The following FMN2 variants were observed in gnomAD, a reference collection of about 807,000 sequenced individuals.
FMN2 encodes the protein formin-2.
Under a neutral mutation model 142.3 loss-of-function variants are expected in FMN2, and 51 were observed. That is an observed-to-expected ratio of 0.36 (90% CI 0.29 to 0.45). The LOEUF (loss-of-function observed/expected upper bound fraction) is 0.45. Ranked by LOEUF, FMN2 falls within the 20% of genes least tolerant of loss-of-function variation. The probability of loss-of-function intolerance (pLI) is 1.00; values close to 1 mark genes in which losing one functional copy is unlikely to be tolerated. For missense variants in FMN2, 1,936 were observed against 2,122.8 expected (o/e 0.91, Z 1.73); for synonymous variants, 882 against 869.8 (o/e 1.01, Z -0.25).
chr1:240,130,114 A>C (rs2103231245), intron 2 of FMN2, among the ~76,000 whole-genome samples: 1 of 152,248 alleles, frequency 6.6e-6, no homozygotes, highest in South Asian at 2.1e-4. Context: ...TTTTATGTTT[A>C]GGGCATACTT....
intron 15 of FMN2, among the ~76,000 whole-genome samples, chr1:240,399,477 G>T (rs1673898815): frequency 6.6e-6 from 1 of 152,130 alleles, no homozygotes; most frequent in Non-Finnish European, 1.5e-5. Flanking sequence ...ATCACTCCCT[G>T]TTGTGTCCTA....
At chr1:240,209,351 C>A (rs1012842759) in intron 5 of FMN2, among the ~76,000 whole-genome samples, 80 of 151,580 alleles carry the variant, frequency 5.3e-4, no homozygotes, top group African/African-American at 1.7e-3. Context: ...CCCGGGTTCA[C>A]CCCATTCTCC....
chr1:240,226,717 A>G (rs1284535609), intron 6 of FMN2, among the ~76,000 whole-genome samples: 1 of 152,156 alleles, frequency 6.6e-6, no homozygotes. Context: ...TGGTAGAATG[A>G]GACCTTGTCT....
intron 15 of FMN2, among the ~76,000 whole-genome samples, chr1:240,395,037 G>A (rs780923515): frequency 6.6e-6 from 1 of 152,060 alleles, no homozygotes; most frequent in African/African-American, 2.4e-5. Context: ...TCTTGTTAGG[G>A]GATAATGCAG....
intron 13 of FMN2, among the ~76,000 whole-genome samples, chr1:240,345,703 G>A (rs757954229): frequency 1.3e-5 from 2 of 151,958 alleles, no homozygotes; most frequent in Admixed American, 6.6e-5. Flanking sequence ...GGCTGGACTC[G>A]AACTCCTGGC....
At chr1:240,321,726 T>G (rs1263267836) in intron 8 of FMN2, among the ~76,000 whole-genome samples, 1 of 152,186 alleles carries the variant, frequency 6.6e-6, no homozygotes, top group East Asian at 1.9e-4. Context: ...CACATTAGAT[T>G]GAATGCAAAA....
intron 16 of FMN2, among the ~76,000 whole-genome samples, chr1:240,459,728 A>G (rs938048263): frequency 9.9e-6 from 1 of 101,222 alleles, no homozygotes; most frequent in African/African-American, 4.9e-5. Flanking sequence ...AAAAAAAAAA[A>G]AAAAAAAAAA....
chr1:240,246,347 C>A (rs911215177), intron 6 of FMN2, among the ~76,000 whole-genome samples: 2 of 152,106 alleles, frequency 1.3e-5, no homozygotes. Context: ...GTAATCCCAG[C>A]CACTTAGGAG....
intron 7 of FMN2, among the ~76,000 whole-genome samples, 174 bp from the exon 8 acceptor site, chr1:240,294,648 C>T (rs1475520037): frequency 6.6e-6 from 1 of 152,208 alleles, no homozygotes; most frequent in African/African-American, 2.4e-5. Context: ...TAACACTTGA[C>T]ACCTGGCCCA....
chr1:240,137,965 T>C (rs1267230693), intron 2 of FMN2, among the ~76,000 whole-genome samples: 1 of 148,510 alleles, frequency 6.7e-6, no homozygotes, highest in Admixed American at 6.8e-5. Context: ...TCGTGTGCGC[T>C]GAGGCAGGAG....
In FMN2 at chr1:240,208,241, A is replaced by G. The variant is rs202161866; in HGVS notation, c.3429A>G (p.Pro1143=). 0.042 allele frequency: 15,177 copies of G among 361,370 alleles called. 788 individuals carry two copies. The highest frequency in any genetic ancestry group is 0.061 in the African/African-American group (369 of 6,012). 22.4% of individuals were successfully genotyped at this position (361,370 alleles called of 1,614,324 possible). ...PPLPGAGIPP[P]PPLPRVGIPP... ...TTCCCGGAGCGGGCATACCTCCTCC[A>G]CCCCCTCTACCCAGAGTGGGCATAC... The change falls in exon 5 of 18, where the codon CCA becomes CCG. Residue 1143 remains proline (P), a synonymous_variant. Transcript: ENST00000319653.
At chr1:240,460,616 A>C (rs904071996) in intron 16 of FMN2, among the ~76,000 whole-genome samples, 7 of 152,084 alleles carry the variant, frequency 4.6e-5, no homozygotes, top group African/African-American at 9.7e-5. Context: ...AGTGAATAGA[A>C]ACATAAATAA....
intron 15 of FMN2, among the ~76,000 whole-genome samples, chr1:240,437,457 G>A (rs564912269): frequency 4.0e-5 from 6 of 151,854 alleles, no homozygotes; most frequent in South Asian, 2.1e-4. Flanking sequence ...CACCATGCCC[G>A]GCTAATTTTT....
At chr1:240,255,052 T>C (rs1005390325) in intron 6 of FMN2, among the ~76,000 whole-genome samples, 1 of 152,128 alleles carries the variant, frequency 6.6e-6, no homozygotes, top group African/African-American at 2.4e-5. Flanking sequence ...ATGGCTACGA[T>C]TGCAGGAGTC....
rs747953973 is a variant in FMN2, at chr1:240,438,045, GTGTA to G, written c.4911-13_4911-10del. The G allele has an allele frequency of 7.2e-5, 116 of 1,610,410 alleles. No homozygotes were observed. Among genetic ancestry groups the G allele is most frequent in the South Asian group, 5.2e-4 (47 of 90,032 alleles). ...AATCATGGCTTTTATGCTTTTGTGT[GTGTA>G]TGATTTGACAGCTTTTTGGAGACCA... On this transcript the variant is annotated splice_polypyrimidine_tract_variant and intron_variant, in intron 15 of 17. Transcript: ENST00000319653.
At chr1:240,251,692 A>G (rs920129482) in intron 6 of FMN2, among the ~76,000 whole-genome samples, 3 of 152,254 alleles carry the variant, frequency 2.0e-5, no homozygotes, top group African/African-American at 4.8e-5. Flanking sequence ...CTATTATTGT[A>G]TTTGAGTCTG....
intron 16 of FMN2, among the ~76,000 whole-genome samples, chr1:240,466,023 A>G (rs571961198): frequency 6.6e-6 from 1 of 152,318 alleles, no homozygotes; most frequent in African/African-American, 2.4e-5. Context: ...TTATTAGGAG[A>G]GAAATGAGAA....
chr1:240,092,217 G>T lies in FMN2; in HGVS notation c.108G>T (p.Lys36Asn). 1 of 1,555,458 alleles carries T rather than the reference G, an allele frequency of 6.4e-7. No individual in the cohort carries two copies. Among genetic ancestry groups the T allele is most frequent in the Non-Finnish European group, 8.7e-7 (1 of 1,147,572 alleles). ...ALGPRDVEAT[K>N]KGSGGKKALG... ...GGCCCAGGGATGTGGAAGCCACAAA[G>T]AAGGGGAGCGGGGGCAAGAAGGCGC... Residue 36 changes from lysine to asparagine, a missense_variant, in exon 1 of 18, where the codon AAG (lysine) becomes AAT (asparagine). By Grantham distance (94) the Lys-to-Asn change is moderately conservative. Transcript: ENST00000319653.
At chr1:240,272,777 G>A (rs1288235690) in intron 7 of FMN2, among the ~76,000 whole-genome samples, 2 of 152,178 alleles carry the variant, frequency 1.3e-5, no homozygotes, top group Admixed American at 1.3e-4. Context: ...TGGCATGGCT[G>A]AAGCAATGAC....
Sources: gnomAD v4.1 joint callset for allele counts (sites outside exome capture counted in the v4.1 genomes callset) on GRCh38, gnomAD v4.1.1 for gene constraint, MANE v1.5 for transcripts, NCBI Gene and HGNC (gene_info 2026-07-23, HGNC 2026-07-21) for gene names.